NEK10: variants seen among roughly 807,000 people sequenced by gnomAD.
NEK10 encodes the protein NIMA related kinase 10, also known as serine/threonine-protein kinase Nek10.
NEK10 carries 122 observed loss-of-function variants against 159.8 expected under a neutral mutation model. The observed-to-expected ratio is 0.76, with a 90% CI of 0.66 to 0.89. The LOEUF is 0.89. Ranked by LOEUF, NEK10 falls within the 40% of genes least tolerant of loss-of-function variation. NEK10 has a pLI of 0.00. For missense variants in NEK10, 1,342 were observed against 1,323.1 expected (o/e 1.01, Z -0.22); for synonymous variants, 466 against 457.1 (o/e 1.02, Z -0.25).
intron 23 of NEK10, among the ~76,000 whole-genome samples, chr3:27,225,391 ACT>A (rs1348279049): frequency 2.0e-5 from 3 of 152,210 alleles, no homozygotes; most frequent in Non-Finnish European, 4.4e-5. Context: ...TCAAGTTGAC[ACT>A]CAGTATTAAC....
chr3:27,240,808 C>G (rs958708154), intron 23 of NEK10, among the ~76,000 whole-genome samples: 3 of 152,012 alleles, frequency 2.0e-5, no homozygotes, highest in Non-Finnish European at 4.4e-5. Flanking sequence ...TGCACCACCA[C>G]GCCTGGCTAA....
chr3:27,286,780 C>G (rs542981938), intron 20 of NEK10, among the ~76,000 whole-genome samples: 14 of 152,062 alleles, frequency 9.2e-5, no homozygotes, highest in African/African-American at 2.7e-4. Flanking sequence ...CAGTACAAGT[C>G]TGAAGCCAAC....
At chr3:27,196,517 G>A (rs143777500) in intron 25 of NEK10, among the ~76,000 whole-genome samples, 59 of 152,218 alleles carry the variant, frequency 3.9e-4, no homozygotes, top group African/African-American at 1.3e-3. Flanking sequence ...AGTGGAAGAG[G>A]GGGCATTAGA....
intron 26 of NEK10, among the ~76,000 whole-genome samples, chr3:27,189,671 T>C (rs1347346481): frequency 6.6e-6 from 1 of 152,102 alleles, no homozygotes; most frequent in Non-Finnish European, 1.5e-5. Context: ...CTGAGAAAAA[T>C]GCCAATTAAC....
At chr3:27,260,834 G>A (rs2040347814) in intron 22 of NEK10, among the ~76,000 whole-genome samples, 1 of 152,122 alleles carries the variant, frequency 6.6e-6, no homozygotes, top group African/African-American at 2.4e-5. Context: ...GAATTCGGCT[G>A]TGAATCCATC....
chr3:27,156,510 T>A (rs1478783406), intron 30 of NEK10, among the ~76,000 whole-genome samples: 1 of 151,960 alleles, frequency 6.6e-6, no homozygotes, highest in African/African-American at 2.4e-5. Context: ...TAGACAATTC[T>A]CAAAAGAAGA....
chr3:27,259,564 T>C (rs2040212013), intron 22 of NEK10, among the ~76,000 whole-genome samples: 1 of 152,332 alleles, frequency 6.6e-6, no homozygotes, highest in Non-Finnish European at 1.5e-5. Flanking sequence ...CTCTGTTCTG[T>C]TCCATTGGTC....
intron 23 of NEK10, among the ~76,000 whole-genome samples, chr3:27,240,232 A>T (rs565577699): frequency 2.0e-5 from 3 of 152,302 alleles, no homozygotes; most frequent in African/African-American, 4.8e-5. Flanking sequence ...ACAAATACAA[A>T]TTAAATTCAG....
At chr3:27,322,652 A>G (rs796719031) in intron 5 of NEK10, among the ~76,000 whole-genome samples, 3 of 152,354 alleles carry the variant, frequency 2.0e-5, no homozygotes, top group African/African-American at 7.2e-5. Flanking sequence ...GATTATTTTC[A>G]TAACCACACT....
At chr3:27,306,380 G>A (rs1479948293) in intron 11 of NEK10, among the ~76,000 whole-genome samples, 1 of 151,818 alleles carries the variant, frequency 6.6e-6, no homozygotes, top group Non-Finnish European at 1.5e-5. Flanking sequence ...ATTACCTATG[G>A]CTCCTCTCCC....
chr3:27,159,876 G>T (rs774991988), intron 30 of NEK10, among the ~76,000 whole-genome samples: 1 of 151,046 alleles, frequency 6.6e-6, no homozygotes, highest in Non-Finnish European at 1.5e-5. Flanking sequence ...CTAAAATAAT[G>T]GTTCCAACCC....
At chr3:27,114,791 A>T (rs527897476) in intron 35 of NEK10, among the ~76,000 whole-genome samples, 28 of 152,322 alleles carry the variant, frequency 1.8e-4, no homozygotes, top group Admixed American at 9.2e-4. Context: ...ACTCCAAAGG[A>T]CTATGCCTCC....
intron 23 of NEK10, among the ~76,000 whole-genome samples, chr3:27,228,167 T>C (rs1465609350): frequency 1.3e-5 from 2 of 152,246 alleles, no homozygotes; most frequent in Non-Finnish European, 2.9e-5. Flanking sequence ...TTTTTCTTAA[T>C]GCTGTATCAG....
chr3:27,252,147 A>G (rs1057449809), intron 23 of NEK10: 9 of 434,832 alleles, frequency 2.1e-5, no homozygotes, highest in Non-Finnish European at 3.7e-5. Flanking sequence ...CGCAAGTCCT[A>G]TGCTTATGGA....
chr3:27,294,982 G>T lies in NEK10; in HGVS notation c.1308+631C>A, dbSNP rs370245355. Among the ~76,000 whole-genome samples, 38 of 152,052 alleles carry T rather than the reference G, an allele frequency of 2.5e-4. No homozygotes were observed. In the East Asian group the frequency reaches 4.8e-3, roughly 19 times the overall value. ...CCACACACCCCAGTTCCACTGAGCA[G>T]CTCACCCTTTACTCAGCTCTCCCAA... On this transcript the variant is annotated intron_variant, in intron 15 of 35. Coordinates refer to ENST00000691995, the MANE Select transcript of NEK10 (RefSeq NM_001394966.1).
chr3:27,184,082 C>A (rs1948387350), intron 26 of NEK10, among the ~76,000 whole-genome samples: 1 of 152,138 alleles, frequency 6.6e-6, no homozygotes, highest in African/African-American at 2.4e-5. Context: ...ATTTCTAGGT[C>A]TTTATCTAAG....
chr3:27,306,241 G>A (rs2044235376), intron 11 of NEK10, among the ~76,000 whole-genome samples: 1 of 152,116 alleles, frequency 6.6e-6, no homozygotes. Context: ...ACACCAGGCA[G>A]CTAGGTAACC....
chr3:27,274,307 T>G (rs1197110292), intron 22 of NEK10, among the ~76,000 whole-genome samples: 1 of 152,160 alleles, frequency 6.6e-6, no homozygotes, highest in Admixed American at 6.5e-5. Context: ...CAACACTTGA[T>G]AAAAGAATGC....
intron 23 of NEK10, among the ~76,000 whole-genome samples, chr3:27,219,654 T>C (rs1951893844): frequency 6.6e-6 from 1 of 152,226 alleles, no homozygotes; most frequent in Non-Finnish European, 1.5e-5. Context: ...CTAACACTTC[T>C]TCAGATCAGG....
Sources: allele counts gnomAD v4.1 joint callset (sites outside exome capture counted in the v4.1 genomes callset), GRCh38; gene constraint gnomAD v4.1.1; transcripts MANE v1.5; gene names NCBI Gene and HGNC (gene_info 2026-07-23, HGNC 2026-07-21).